Variants in FRAS1 observed in about 807,000 individuals in gnomAD.
FRAS1 encodes Fraser extracellular matrix complex subunit 1.
FRAS1 carries 290 observed loss-of-function variants against 435.2 expected under a neutral mutation model. That is an observed-to-expected ratio of 0.67 (90% CI 0.61 to 0.73). The LOEUF (loss-of-function observed/expected upper bound fraction) is 0.73, where lower values mean the gene tolerates loss of function less well. FRAS1 is among the 30% of genes least tolerant of loss of function. The probability of loss-of-function intolerance (pLI) is 0.00; values close to 1 mark genes in which losing one functional copy is unlikely to be tolerated. For missense variants in FRAS1, 4,860 were observed against 5,001.5 expected, an observed-to-expected ratio of 0.97 and a Z score of 0.85; for synonymous variants, 1,800 against 1,851.0, an observed-to-expected ratio of 0.97 and a Z score of 0.71.
intron 46 of FRAS1, 114 bp from the exon 47 acceptor site, chr4:78,452,061 T>C: frequency 7.8e-7 from 1 of 1,289,298 alleles, no homozygotes; most frequent in Non-Finnish European, 1.1e-6. Context: ...TGGTGTGCTC[T>C]CTAACACACA....
rs773670167 is a variant in FRAS1 at position 78,286,499 on chromosome 4, C to T, written c.1494C>T (p.Thr498=). 1.2e-6 allele frequency: 2 copies of T among 1,613,460 alleles called. No homozygotes were observed. Among genetic ancestry groups the T allele is most frequent in the Admixed American group, 3.3e-5 (2 of 60,010 alleles). Residue 498 remains threonine (T), a synonymous_variant, in exon 14 of 74, where the codon ACC becomes ACT. Coordinates refer to ENST00000512123, the MANE Select transcript of FRAS1 (RefSeq NM_025074.7). ...TGCGGCACGGGCAGTGTGTGCCTAC[C>T]TGTGGGGACGGCTTCTACCAAGATC... ...LLMRHGQCVP[T]CGDGFYQDRH...
At chr4:78,333,919 T>G (rs1730049508) in intron 19 of FRAS1, among the ~76,000 whole-genome samples, 1 of 152,002 alleles carries the variant, frequency 6.6e-6, no homozygotes. Context: ...TCCTCCCACC[T>G]CAGCCTCATG....
chr4:78,427,667 A>G (rs1232472517), intron 35 of FRAS1, among the ~76,000 whole-genome samples: 1 of 152,224 alleles, frequency 6.6e-6, no homozygotes, highest in East Asian at 1.9e-4. Flanking sequence ...TAATTTTGAC[A>G]CTTGTCTGAA....
intron 2 of FRAS1, among the ~76,000 whole-genome samples, chr4:78,139,679 G>A (rs1172297437): frequency 6.6e-6 from 1 of 152,090 alleles, no homozygotes; most frequent in Non-Finnish European, 1.5e-5. Context: ...TTTTGCATTA[G>A]CATAAATAGG....
chr4:78,464,177 A>C, intron 48 of FRAS1, 32 bp downstream of exon 48: 1 of 1,589,390 alleles, frequency 6.3e-7, no homozygotes, highest in Non-Finnish European at 8.5e-7. Flanking sequence ...ATCCTTGAAA[A>C]GTATTGATTC....
chr4:78,526,967 C>T (rs1046317610), intron 70 of FRAS1, among the ~76,000 whole-genome samples: 1 of 152,164 alleles, frequency 6.6e-6, no homozygotes, highest in Non-Finnish European at 1.5e-5. Flanking sequence ...TTTAGAATGG[C>T]TCCCAAGTAT....
Position 78,267,290 on chromosome 4 carries a change from C to T in FRAS1, c.839C>T (p.Ser280Phe). ...GGGCAATGCTGTGAGGAATGTGTGT[C>T]TCCTGCCGGGAGCTGCTCCTATGAT... ...RHGQCCEECV[S>F]PAGSCSYDGV... is the part of the protein sequence containing the mutation. The change falls in exon 9 of 74, where the codon TCT (serine) becomes TTT (phenylalanine). Residue 280 changes from serine (S) to phenylalanine (F), a missense_variant. Ser to Phe is a radical substitution (Grantham distance 155). Transcript: ENST00000512123. 1 of 1,613,836 alleles carries T rather than the reference C, an allele frequency of 6.2e-7. No homozygotes were observed. The highest frequency in any genetic ancestry group is 1.1e-5 in the South Asian group (1 of 91,016).
intron 66 of FRAS1, among the ~76,000 whole-genome samples, 167 bp from the exon 67 acceptor site, chr4:78,519,164 C>A (rs1721307238): frequency 6.7e-6 from 1 of 149,822 alleles, no homozygotes; most frequent in South Asian, 2.1e-4. Flanking sequence ...TCCATTAGTT[C>A]CTTTATTTTT....
At chr4:78,514,465 A>G (rs1360216522) in intron 65 of FRAS1, among the ~76,000 whole-genome samples, 2 of 152,260 alleles carry the variant, frequency 1.3e-5, no homozygotes, top group African/African-American at 2.4e-5. Context: ...ATTCTCTTTC[A>G]TATTCATTAA....
intron 2 of FRAS1, among the ~76,000 whole-genome samples, chr4:78,077,686 G>A (rs1012271594): frequency 6.6e-6 from 1 of 152,060 alleles, no homozygotes; most frequent in Non-Finnish European, 1.5e-5. Flanking sequence ...AAATGAGGAC[G>A]TGTGATATTT....
intron 2 of FRAS1, among the ~76,000 whole-genome samples, chr4:78,175,301 T>C (rs888141134): frequency 6.6e-6 from 1 of 152,224 alleles, no homozygotes; most frequent in Non-Finnish European, 1.5e-5. Flanking sequence ...CTTTTACTGT[T>C]CTTTTCTTGG....
chr4:78,082,053 C>T (rs1408438672), intron 2 of FRAS1, among the ~76,000 whole-genome samples: 1 of 152,054 alleles, frequency 6.6e-6, no homozygotes, highest in African/African-American at 2.4e-5. Context: ...TTATATCTAA[C>T]ATTTTTTATC....
At chr4:78,486,208 A>G (rs980259166) in intron 58 of FRAS1, among the ~76,000 whole-genome samples, 2 of 152,208 alleles carry the variant, frequency 1.3e-5, no homozygotes, top group African/African-American at 4.8e-5. Flanking sequence ...TAAAGAGGCT[A>G]TTGCATTCCA....
At chr4:78,518,422 G>GTGTGTATATATATATA (rs1397809156) in intron 66 of FRAS1, among the ~76,000 whole-genome samples, 3 of 135,730 alleles carry the variant, frequency 2.2e-5, no homozygotes, top group Admixed American at 7.2e-5. Context: ...TTTTTGTTGT[G>GTGTGTATATATATATA]TATATATATA....
At chr4:78,507,360 C>T in intron 61 of FRAS1, 61 bp from the exon 62 acceptor site, 1 of 1,432,584 alleles carries the variant, frequency 7.0e-7, no homozygotes, top group Non-Finnish European at 9.4e-7. Flanking sequence ...CCAAGCTGCA[C>T]TCTCTTGGGT....
intron 15 of FRAS1, among the ~76,000 whole-genome samples, chr4:78,309,903 A>G (rs1728948885): frequency 6.6e-6 from 1 of 152,222 alleles, no homozygotes; most frequent in African/African-American, 2.4e-5. Flanking sequence ...TGTGTAGCTC[A>G]TAAAACTTTC....
At position 78,381,574 on chromosome 4, in the gene FRAS1, G is replaced by A. The variant is rs990101058; in HGVS notation, c.3563+1578G>A. 2.0e-5 allele frequency among the ~76,000 whole-genome samples: 3 copies of A among 152,318 alleles called. No individual in the cohort carries two copies. The East Asian group carries it at 5.8e-4, about 29-fold the overall frequency. ...CAAAGTGCTGCAATTACATGTGTGA[G>A]CTGCAACACCTGGCCTATTCTTAAG... On this transcript the variant is annotated intron_variant, in intron 27 of 73. Transcript: ENST00000512123.
chr4:78,407,797 A>G lies in FRAS1; in HGVS notation c.4264A>G (p.Arg1422Gly). 4.3e-6 allele frequency: 7 copies of G among 1,612,866 alleles called. No homozygotes were observed. Among genetic ancestry groups the G allele is most frequent in the Non-Finnish European group, 5.9e-6 (7 of 1,179,298 alleles). ...CATCAATGAAGGCATCGTATGGTAC[A>G]GGCACTCAGGAGCCCCAGCCCAGAG... Reference protein sequence around the residue: ...QDINEGIVWYRHSGAPAQSDS... With the variant: ...QDINEGIVWYGHSGAPAQSDS... The change falls in exon 31 of 74, where the codon AGG becomes GGG. Residue 1422 changes from arginine to glycine, a missense_variant. By Grantham distance (125) the Arg-to-Gly change is moderately radical. Coordinates refer to ENST00000512123, the MANE Select transcript of FRAS1 (RefSeq NM_025074.7).
chr4:78,426,389 A>G (rs188389668), intron 35 of FRAS1, among the ~76,000 whole-genome samples: 216 of 152,186 alleles, frequency 1.4e-3, no homozygotes, highest in African/African-American at 5.1e-3. Flanking sequence ...GCTGACCTTA[A>G]ATTATCTTGC....
Sources: allele counts gnomAD v4.1 joint callset (sites outside exome capture counted in the v4.1 genomes callset), GRCh38; gene constraint gnomAD v4.1.1; transcripts MANE v1.5; gene names NCBI Gene and HGNC (gene_info 2026-07-23, HGNC 2026-07-21).